MEGF11: variants seen among roughly 807,000 people sequenced by gnomAD.
MEGF11 encodes multiple epidermal growth factor-like domains protein 11.
In MEGF11, 126 loss-of-function variants were observed where a neutral mutation model predicts 146.6. The observed-to-expected ratio is 0.86, with a 90% CI of 0.74 to 1.00. The LOEUF is 1.00. Among genes scored for constraint, MEGF11 ranks in the 50% least tolerant of loss-of-function variants. The probability of loss-of-function intolerance (pLI) is 0.00; values close to 1 mark genes in which losing one functional copy is unlikely to be tolerated. For synonymous variants in MEGF11, 532 were observed against 583.4 expected (o/e 0.91, Z 1.27); for missense variants, 1,509 against 1,521.2 (o/e 0.99, Z 0.13).
At chr15:66,239,776 C>A (rs1170630885) in intron 1 of MEGF11, among the ~76,000 whole-genome samples, 1 of 152,238 alleles carries the variant, frequency 6.6e-6, no homozygotes, top group Non-Finnish European at 1.5e-5. Flanking sequence ...AGGCACCATG[C>A]CACAGGGCAT....
At chr15:66,214,895 G>A (rs1056333086) in intron 1 of MEGF11, among the ~76,000 whole-genome samples, 1 of 152,164 alleles carries the variant, frequency 6.6e-6, no homozygotes, top group Non-Finnish European at 1.5e-5. Flanking sequence ...AAGAGGAGAG[G>A]AGGGAAGAAT....
chr15:65,916,240 C>A lies in MEGF11; in HGVS notation c.2252G>T (p.Arg751Leu). 2 of 1,560,158 alleles carry A rather than the reference C, an allele frequency of 1.3e-6. No individual in the cohort carries two copies. The highest frequency in any genetic ancestry group is 8.7e-7 in the Non-Finnish European group (1 of 1,152,024). ...PAAFFGKDCG[R>L]VCQCQNGASC... Reference sequence around the variant, plus strand: ...GGCGCCATTCTGACACTGGCATACGCGCCCACAGTCCTTCCCAAAAAATGC... The same window carrying A: ...GGCGCCATTCTGACACTGGCATACGAGCCCACAGTCCTTCCCAAAAAATGC... The change falls in exon 18 of 26, where the codon CGC becomes CTC. Residue 751 changes from arginine to leucine, a missense_variant. By Grantham distance (102) the Arg-to-Leu change is moderately radical (BLOSUM62 -2). Transcript: ENST00000395614.
chr15:65,957,123 C>G lies in MEGF11; in HGVS notation c.1287+424G>C, dbSNP rs115753293. The stretch of plus-strand genomic sequence containing the variant: ...AGCAGTAAGAGAATGGCTGAATAAA[C>G]TGGGGGTACATCTGCTCCTGCAGTG... On this transcript the variant is annotated intron_variant, in intron 10 of 25. Coordinates refer to ENST00000395614, the MANE Select transcript of MEGF11 (RefSeq NM_001385028.1). 7.3e-3 allele frequency among the ~76,000 whole-genome samples: 1,109 copies of G among 152,324 alleles called. 11 individuals are homozygous for G. The highest frequency in any genetic ancestry group is 0.025 in the African/African-American group (1,034 of 41,558).
chr15:66,208,571 T>C (rs1373851910), intron 1 of MEGF11, among the ~76,000 whole-genome samples: 2 of 152,140 alleles, frequency 1.3e-5, no homozygotes, highest in East Asian at 3.9e-4. Flanking sequence ...GAGGATGAGA[T>C]TGGCAAAGTG....
chr15:66,128,489 G>A, intron 1 of MEGF11, 78 bp from the exon 2 acceptor site: 2 of 765,608 alleles, frequency 2.6e-6, no homozygotes, highest in Non-Finnish European at 3.8e-6. Flanking sequence ...CATCGTCGTG[G>A]GTAATGAGCA....
chr15:66,122,741 G>A (rs1486981935), intron 3 of MEGF11, among the ~76,000 whole-genome samples: 1 of 151,934 alleles, frequency 6.6e-6, no homozygotes, highest in Non-Finnish European at 1.5e-5. Context: ...GACACTGCAG[G>A]GTAGGTAGAA....
Position 65,982,388 on chromosome 15 carries a change from G to A in MEGF11, c.495C>T (p.Ala165=), listed in dbSNP as rs763669836. The A allele has an allele frequency of 4.1e-5, 63 of 1,532,998 alleles. No homozygotes were observed. In the East Asian group the frequency reaches 1.5e-3, roughly 37 times the overall value. 95.0% of individuals were successfully genotyped at this position (1,532,998 alleles called of 1,614,324 possible). A position where few individuals can be genotyped will look rare whatever the true frequency, so the allele number is the denominator to read the frequency against. ...NPITGACVCA[A]GFRGWRCEEL... Reference sequence around the variant, plus strand: ...CCTCGCAGCGCCATCCACGGAAGCCGGCGGCGCACACGCAGGCGCCTGTGA... The same window carrying A: ...CCTCGCAGCGCCATCCACGGAAGCCAGCGGCGCACACGCAGGCGCCTGTGA... Residue 165 remains alanine, a synonymous_variant, in exon 6 of 26, where the codon GCC becomes GCT. Transcript: ENST00000395614. The surrounding 1 kb of genome is among the most constrained non-coding windows in gnomAD (Gnocchi z 5.6).
At chr15:65,947,286 A>T (rs893155592) in intron 10 of MEGF11, among the ~76,000 whole-genome samples, 4 of 151,966 alleles carry the variant, frequency 2.6e-5, no homozygotes, top group Non-Finnish European at 5.9e-5. Context: ...GGGGCTGGGG[A>T]GCTGGGGCAC....
chr15:65,999,864 T>C (rs1168413517), intron 5 of MEGF11, among the ~76,000 whole-genome samples: 1 of 152,216 alleles, frequency 6.6e-6, no homozygotes, highest in Non-Finnish European at 1.5e-5. Flanking sequence ...GGTAGGTCAT[T>C]ATCATCATCC....
At chr15:65,924,699 G>A (rs940851195) in intron 13 of MEGF11, among the ~76,000 whole-genome samples, 3 of 147,112 alleles carry the variant, frequency 2.0e-5, no homozygotes, top group Non-Finnish European at 4.5e-5. Context: ...TGTGATCTTG[G>A]CTCATGGCAA....
At chr15:66,091,588 T>C (rs2086325785) in intron 5 of MEGF11, among the ~76,000 whole-genome samples, 1 of 152,252 alleles carries the variant, frequency 6.6e-6, no homozygotes, top group African/African-American at 2.4e-5. Flanking sequence ...TTAACCTCTC[T>C]CTGCTTCAAC....
intron 1 of MEGF11, among the ~76,000 whole-genome samples, chr15:66,248,134 C>T (rs1420457984): frequency 2.6e-5 from 4 of 152,172 alleles, no homozygotes; most frequent in Non-Finnish European, 5.9e-5. Flanking sequence ...AGACTCCCTC[C>T]TGCCTTTTCT....
At chr15:66,162,370 G>A (rs1413153669) in intron 1 of MEGF11, among the ~76,000 whole-genome samples, 1 of 152,232 alleles carries the variant, frequency 6.6e-6, no homozygotes, top group African/African-American at 2.4e-5. Flanking sequence ...ATAAACATTA[G>A]TTTGACTTGT....
chr15:65,968,639 T>G (rs959779297), intron 8 of MEGF11, among the ~76,000 whole-genome samples: 1 of 152,154 alleles, frequency 6.6e-6, no homozygotes, highest in Non-Finnish European at 1.5e-5. Flanking sequence ...CTAATGAATT[T>G]TACACAAAGC....
chr15:66,188,923 T>A (rs8035387), intron 1 of MEGF11, among the ~76,000 whole-genome samples: 1 of 152,116 alleles, frequency 6.6e-6, no homozygotes, highest in Non-Finnish European at 1.5e-5. Context: ...TGCTTCCCAG[T>A]CAGCAGATTT....
intron 9 of MEGF11, among the ~76,000 whole-genome samples, chr15:65,963,424 T>TCTAAGATGTA (rs1290700421): frequency 6.6e-6 from 1 of 151,086 alleles, no homozygotes; most frequent in Non-Finnish European, 1.5e-5. Context: ...TTTCATCAGT[T>TCTAAGATGTA]CTAAGATGTA....
At chr15:66,033,366 G>C (rs183374165) in intron 5 of MEGF11, among the ~76,000 whole-genome samples, 1 of 152,334 alleles carries the variant, frequency 6.6e-6, no homozygotes, top group Non-Finnish European at 1.5e-5. Flanking sequence ...CCCTCCACAG[G>C]CTCCATGCCC....
intron 9 of MEGF11, among the ~76,000 whole-genome samples, chr15:65,960,406 TG>T (rs933972080): frequency 8.8e-4 from 134 of 152,372 alleles, no homozygotes; most frequent in African/African-American, 3.1e-3. Context: ...CCCAAGGCAC[TG>T]GAAGGGGAGA....
At chr15:66,002,521 C>T (rs2082398718) in intron 5 of MEGF11, among the ~76,000 whole-genome samples, 1 of 152,212 alleles carries the variant, frequency 6.6e-6, no homozygotes, top group South Asian at 2.1e-4. Context: ...AGAGCATGAG[C>T]TGTGGACACC....
Sources: gnomAD v4.1 joint callset for allele counts (sites outside exome capture counted in the v4.1 genomes callset) on GRCh38, gnomAD v4.1.1 for gene constraint, Gnocchi (gnomAD v3.1) non-coding constraint, MANE v1.5 for transcripts, NCBI Gene and HGNC (gene_info 2026-07-23, HGNC 2026-07-21) for gene names.